The following RBMS3 variants were observed in gnomAD, a reference collection of about 807,000 sequenced individuals.
RBMS3 encodes RNA-binding motif, single-stranded-interacting protein 3.
A neutral mutation model predicts 66.8 loss-of-function variants in RBMS3; 27 were observed. That is an observed-to-expected ratio of 0.40 (90% CI 0.30 to 0.56). RBMS3 has a LOEUF of 0.56. Ranked by LOEUF, RBMS3 falls within the 20% of genes least tolerant of loss-of-function variation. RBMS3 has a pLI of 0.40. For synonymous variants in RBMS3, 188 were observed against 183.0 expected (o/e 1.03, Z -0.22); for missense variants, 513 against 549.5 (o/e 0.93, Z 0.66).
At chr3:29,345,747 C>T (rs576276906) in intron 1 of RBMS3, among the ~76,000 whole-genome samples, 34 of 152,236 alleles carry the variant, frequency 2.2e-4, no homozygotes, top group African/African-American at 8.2e-4. Flanking sequence ...AATTCATGGC[C>T]AGAGGAGGCC....
intron 1 of RBMS3, among the ~76,000 whole-genome samples, chr3:29,363,765 G>C (rs911630861): frequency 6.7e-5 from 10 of 149,826 alleles, no homozygotes; most frequent in African/African-American, 2.5e-4. Context: ...CCTCTAGCAT[G>C]GGTGCCAGAG....
intron 3 of RBMS3, among the ~76,000 whole-genome samples, chr3:29,582,722 ACAAATTGAAAG>A (rs2047376188): frequency 6.6e-6 from 1 of 152,220 alleles, no homozygotes; most frequent in South Asian, 2.1e-4. Flanking sequence ...ATTAAGGAAA[ACAAATTGAAAG>A]CAAATTAAAG....
intron 2 of RBMS3, among the ~76,000 whole-genome samples, chr3:29,462,160 C>A (rs1033536537): frequency 1.3e-5 from 2 of 152,048 alleles, no homozygotes; most frequent in African/African-American, 4.8e-5. Context: ...GAATTATACT[C>A]ATGGAAGGTT....
chr3:29,429,706 G>C (rs1311939621), intron 1 of RBMS3, among the ~76,000 whole-genome samples: 1 of 152,166 alleles, frequency 6.6e-6, no homozygotes, highest in Non-Finnish European at 1.5e-5. Context: ...GATTTATAAA[G>C]TGTGACTTTG....
Position 29,802,088 on chromosome 3 carries a change from T to G in RBMS3, c.637+39099T>G, listed in dbSNP as rs1303545026. ...ATTTCACATCATGAATGTTTAGTCC[T>G]GGAAAGTTTGCTTATTTTCTCTGGT... On this transcript the variant is annotated intron_variant, in intron 6 of 14. Transcript: ENST00000383767. 2.0e-5 allele frequency among the ~76,000 whole-genome samples: 3 copies of G among 152,328 alleles called. No individual in the cohort carries two copies. The South Asian group carries it at 6.2e-4, about 32-fold the overall frequency.
intron 6 of RBMS3, among the ~76,000 whole-genome samples, chr3:29,814,790 T>TG (rs1235045636): frequency 6.6e-6 from 1 of 152,056 alleles, no homozygotes; most frequent in African/African-American, 2.4e-5. Flanking sequence ...TAATAATAAA[T>TG]TTAAAAAAAA....
intron 1 of RBMS3, among the ~76,000 whole-genome samples, chr3:29,345,495 C>T (rs2036522650): frequency 6.6e-6 from 1 of 152,072 alleles, no homozygotes; most frequent in African/African-American, 2.4e-5. Context: ...TACCTAAAAC[C>T]TTAATTTTTT....
chr3:29,839,177 G>A (rs2058604489), intron 6 of RBMS3, among the ~76,000 whole-genome samples: 2 of 152,174 alleles, frequency 1.3e-5, no homozygotes, highest in African/African-American at 4.8e-5. Context: ...ACTGGCCCCT[G>A]ATGCTGAAAT....
intron 1 of RBMS3, among the ~76,000 whole-genome samples, chr3:29,373,517 C>T (rs1384995799): frequency 6.6e-6 from 1 of 152,264 alleles, no homozygotes; most frequent in African/African-American, 2.4e-5. Context: ...ACCCCTAGAC[C>T]TTGTGGGAAG....
intron 1 of RBMS3, among the ~76,000 whole-genome samples, chr3:29,397,989 G>A (rs1001052036): frequency 6.6e-6 from 1 of 152,194 alleles, no homozygotes; most frequent in Admixed American, 6.5e-5. Context: ...GGAAGGATAT[G>A]AAAGAGATTA....
intron 1 of RBMS3, among the ~76,000 whole-genome samples, chr3:29,355,098 C>G (rs141178216): frequency 2.8e-4 from 43 of 152,204 alleles, no homozygotes; most frequent in African/African-American, 9.4e-4. Context: ...GTAATACTAT[C>G]TCATTCATCC....
In RBMS3 at chr3:29,911,093, C is replaced by G. The variant is rs148401280; in HGVS notation, c.939+11338C>G. On this transcript the variant is annotated intron_variant, in intron 10 of 14. Coordinates refer to ENST00000383767, the MANE Select transcript of RBMS3 (RefSeq NM_001003793.3). ...ATAAGCAGTAAAGAGGAGGAAGTTA[C>G]TCACTGTGGAGGGAGTAGAGGAATA... Among the ~76,000 whole-genome samples the G allele has an allele frequency of 2.2e-4, 34 of 152,126 alleles. 1 individual carries two copies. In the East Asian group the frequency reaches 5.8e-3, roughly 26 times the overall value.
rs9817022 is a variant in RBMS3 at position 29,826,077 on chromosome 3, G to T, written c.638-42781G>T. On this transcript the variant is annotated intron_variant, in intron 6 of 14. Transcript: ENST00000383767. ...TTCCATTTTGGTATGAGTCGATAGG[G>T]TCATTAAGTCTCCAAGTGGCTTGTC... Among the ~76,000 whole-genome samples, 542 of 152,192 alleles carry T rather than the reference G, an allele frequency of 3.6e-3. 10 individuals carry two copies. Among genetic ancestry groups the T allele is most frequent in the African/African-American group, 0.012 (518 of 41,536 alleles).
intron 12 of RBMS3, among the ~76,000 whole-genome samples, chr3:29,960,115 T>C (rs112362949): frequency 0.11 from 16,412 of 152,192 alleles, 1,638 homozygotes; most frequent in African/African-American, 0.24. Flanking sequence ...CTTCCACCTA[T>C]GAGCCTGTAA....
chr3:29,975,055 AAT>A (rs1019242719), intron 12 of RBMS3, among the ~76,000 whole-genome samples: 1 of 108,492 alleles, frequency 9.2e-6, no homozygotes, highest in African/African-American at 3.9e-5. Context: ...TTATATATAA[AAT>A]ATGTTTCTAT....
intron 1 of RBMS3, among the ~76,000 whole-genome samples, chr3:29,313,250 T>C (rs1479620786): frequency 6.6e-6 from 1 of 151,802 alleles, no homozygotes; most frequent in Admixed American, 6.6e-5. Context: ...ACATCTGGTC[T>C]TGTTTAATGC....
intron 6 of RBMS3, among the ~76,000 whole-genome samples, chr3:29,830,080 G>A (rs2149487360): frequency 6.6e-6 from 1 of 152,018 alleles, no homozygotes; most frequent in Admixed American, 6.6e-5. Context: ...GTTTCTTTGG[G>A]CTACATTTCT....
chr3:29,607,787 A>T (rs905933313), intron 4 of RBMS3, among the ~76,000 whole-genome samples: 1 of 152,122 alleles, frequency 6.6e-6, no homozygotes, highest in African/African-American at 2.4e-5. Flanking sequence ...AACATATTAC[A>T]ACAAAATCTA....
intron 11 of RBMS3, among the ~76,000 whole-genome samples, chr3:29,938,964 A>G (rs1384852246): frequency 2.0e-5 from 3 of 151,990 alleles, no homozygotes; most frequent in Non-Finnish European, 4.4e-5. Context: ...GATACCCAGT[A>G]TGTGCTTCTC....
Sources: gnomAD v4.1 joint callset for allele counts (sites outside exome capture counted in the v4.1 genomes callset) on GRCh38, gnomAD v4.1.1 for gene constraint, MANE v1.5 for transcripts, NCBI Gene and HGNC (gene_info 2026-07-23, HGNC 2026-07-21) for gene names.